FAM178B: variants seen among roughly 807,000 people sequenced by gnomAD.
FAM178B encodes protein FAM178B.
In FAM178B, 82 loss-of-function variants were observed where a neutral mutation model predicts 91.7. The ratio of observed to expected loss-of-function variants is 0.89; its 90% confidence interval spans 0.75 to 1.07. The LOEUF (loss-of-function observed/expected upper bound fraction) is 1.07, where lower values mean the gene tolerates loss of function less well. Among genes scored for constraint, FAM178B ranks in the 50% least tolerant of loss-of-function variants. The pLI is 0.00. For synonymous variants in FAM178B, 368 were observed against 359.4 expected, an observed-to-expected ratio of 1.02 and a Z score of -0.27; for missense variants, 769 against 846.7, an observed-to-expected ratio of 0.91 and a Z score of 1.14.
chr2:96,928,442 C>G (rs1420837861), intron 9 of FAM178B, among the ~76,000 whole-genome samples: 1 of 152,162 alleles, frequency 6.6e-6, no homozygotes, highest in Non-Finnish European at 1.5e-5. Flanking sequence ...CAGGCATAGG[C>G]AAATGATCAT....
Position 96,877,821 on chromosome 2 carries a change from G to A in FAM178B, c.2007+69C>T, listed in dbSNP as rs920565264. ...AGCTGCAGCGGGGGTGGATGTGCTG[G>A]TGGCTCTGGCCAGCCCTGCCTGACC... is the stretch of plus-strand genomic sequence containing the variant. On this transcript the variant is annotated intron_variant, in intron 16 of 16. Coordinates refer to ENST00000490605, the MANE Select transcript of FAM178B (RefSeq NM_001122646.3). 15 of 1,495,062 alleles carry A rather than the reference G, an allele frequency of 1.0e-5. No individual in the cohort carries two copies. In the Admixed American group the frequency reaches 2.8e-4, roughly 28 times the overall value. 92.6% of individuals were successfully genotyped at this position (1,495,062 alleles called of 1,614,324 possible).
chr2:96,970,267 G>C (rs1382103524), intron 4 of FAM178B, among the ~76,000 whole-genome samples: 2 of 152,200 alleles, frequency 1.3e-5, no homozygotes, highest in Non-Finnish European at 2.9e-5. Flanking sequence ...ACTCAGAGAG[G>C]ATGGGAAAAT....
intron 7 of FAM178B, among the ~76,000 whole-genome samples, chr2:96,950,635 T>A (rs1367592648): frequency 6.6e-6 from 1 of 152,168 alleles, no homozygotes; most frequent in Non-Finnish European, 1.5e-5. Context: ...CAGGACGGCA[T>A]CCTTATGCCT....
intron 14 of FAM178B, among the ~76,000 whole-genome samples, chr2:96,889,723 C>CAA (rs112200731): frequency 0.011 from 1,511 of 135,848 alleles, 28 homozygotes; most frequent in African/African-American, 0.039. Flanking sequence ...TAAATAAATA[C>CAA]AAAAAAAAAT....
intron 14 of FAM178B, among the ~76,000 whole-genome samples, chr2:96,884,219 G>A (rs2080461618): frequency 6.6e-6 from 1 of 152,176 alleles, no homozygotes; most frequent in Non-Finnish European, 1.5e-5. Flanking sequence ...GAGGGTTCCT[G>A]ATGTGCACGA....
At chr2:96,955,913 G>A (rs1428545820) in intron 6 of FAM178B, among the ~76,000 whole-genome samples, 10 of 152,298 alleles carry the variant, frequency 6.6e-5, no homozygotes, top group East Asian at 3.9e-4. Context: ...CGGGGCTGCC[G>A]GGCCTCCGGG....
At chr2:96,974,855 C>T (rs990802245) in intron 1 of FAM178B, among the ~76,000 whole-genome samples, 1 of 151,770 alleles carries the variant, frequency 6.6e-6, no homozygotes, top group Non-Finnish European at 1.5e-5. Context: ...TTTGGGAGGC[C>T]GAGGCGGGCG....
chr2:96,928,012 C>G (rs2081474646), intron 9 of FAM178B, among the ~76,000 whole-genome samples: 2 of 152,342 alleles, frequency 1.3e-5, no homozygotes, highest in South Asian at 4.1e-4. Flanking sequence ...GGGAAAGGGG[C>G]AGGAGCACGG....
chr2:96,926,683 G>T (rs900200926), intron 9 of FAM178B, among the ~76,000 whole-genome samples: 3 of 152,220 alleles, frequency 2.0e-5, no homozygotes, highest in East Asian at 1.9e-4. Context: ...CAAGTTGGAT[G>T]CCAGGAGATC....
At chr2:96,914,035 T>C (rs2081201914) in intron 12 of FAM178B, among the ~76,000 whole-genome samples, 2 of 152,268 alleles carry the variant, frequency 1.3e-5, no homozygotes, top group African/African-American at 4.8e-5. Context: ...TGGCTTTTAC[T>C]TATTTGCCAA....
chr2:96,937,767 T>C (rs979322235), intron 8 of FAM178B, among the ~76,000 whole-genome samples: 6 of 152,160 alleles, frequency 3.9e-5, no homozygotes. Flanking sequence ...GGCTCACATC[T>C]ATAATCCCCA....
chr2:96,913,356 T>C (rs1433012528), intron 12 of FAM178B, among the ~76,000 whole-genome samples: 1 of 152,158 alleles, frequency 6.6e-6, no homozygotes, highest in African/African-American at 2.4e-5. Flanking sequence ...GGGACATGCA[T>C]GTGGCATCAC....
chr2:96,917,847 C>A (rs1259689273), intron 12 of FAM178B, among the ~76,000 whole-genome samples: 2 of 151,970 alleles, frequency 1.3e-5, no homozygotes, highest in African/African-American at 4.8e-5. Context: ...CAGAGTGAGA[C>A]CCTCTCTCAA....
Position 96,878,027 on chromosome 2 carries a change from G to A in FAM178B, c.1870C>T (p.Leu624=), listed in dbSNP as rs529948841. The change falls in exon 16 of 17, where the codon CTG becomes TTG. Residue 624 remains leucine, a synonymous_variant. Coordinates refer to ENST00000490605, the MANE Select transcript of FAM178B (RefSeq NM_001122646.3). ...TPDQWGELQL[L]CMQLDRHIST... ...ATGTGGCGGTCCAACTGCATGCACAGCAGCTGCAGCTCGCCCTGTGGAGGC... is the reference window on the plus strand; with the variant it reads ...ATGTGGCGGTCCAACTGCATGCACAACAGCTGCAGCTCGCCCTGTGGAGGC... 9.3e-6 allele frequency: 15 copies of A among 1,610,536 alleles called. No homozygotes were observed. The highest frequency in any genetic ancestry group is 1.3e-5 in the African/African-American group (1 of 75,078).
At chr2:96,904,058 G>A (rs1269491933) in intron 12 of FAM178B, among the ~76,000 whole-genome samples, 1 of 152,160 alleles carries the variant, frequency 6.6e-6, no homozygotes, top group Non-Finnish European at 1.5e-5. Context: ...CAGCTGGCAG[G>A]ATATTGATGG....
In FAM178B at chr2:96,926,987, T is replaced by C. The variant is rs148858479; in HGVS notation, c.1193+2219A>G. Among the ~76,000 whole-genome samples, 275 of 152,298 alleles carry C rather than the reference T, an allele frequency of 1.8e-3. 1 individual carries two copies. Among genetic ancestry groups the C allele is most frequent in the Middle Eastern group, 0.017 (5 of 294 alleles). On this transcript the variant is annotated intron_variant, in intron 9 of 16. Transcript: ENST00000490605. ...TCCCTGGAAGTCAGCAGAAAAAAGA[T>C]GCCTGGGCGGAGCCAGCTCGCACAA...
Position 96,876,194 on chromosome 2 carries a change from G to T in FAM178B, c.*82C>A. The T allele has an allele frequency of 6.9e-7, 1 of 1,457,508 alleles. No individual in the cohort carries two copies. The allele number at this position is 1,457,508 out of a possible 1,614,324, so 90.3% of individuals were successfully genotyped here. ...TCAGCATGTGGCCTCCTCTGGCCTT[G>T]ATGCTTCGCTTCCTCCAGTTCCCTG... On this transcript the variant is annotated 3_prime_UTR_variant, in exon 17 of 17. Coordinates refer to ENST00000490605, the MANE Select transcript of FAM178B (RefSeq NM_001122646.3).
Position 96,902,606 on chromosome 2 carries a change from A to T in FAM178B, c.1650+14T>A, listed in dbSNP as rs768933804. ...GCCATGGCCTTCCTGCCCAGGCCTG[A>T]AGCAAACACTCACCTGGGTCTTCTC... On this transcript the variant is annotated intron_variant, in intron 13 of 16. Coordinates refer to ENST00000490605, the MANE Select transcript of FAM178B (RefSeq NM_001122646.3). 52 of 1,543,254 alleles carry T rather than the reference A, an allele frequency of 3.4e-5. No homozygotes were observed. Among genetic ancestry groups the T allele is most frequent in the Non-Finnish European group, 4.5e-5 (51 of 1,139,936 alleles).
rs200355210 is a variant in FAM178B at position 96,945,382 on chromosome 2, T to C, written c.1078+2436A>G. Among the ~76,000 whole-genome samples, 591 of 151,092 alleles carry C rather than the reference T, an allele frequency of 3.9e-3. 7 individuals are homozygous for C. Among genetic ancestry groups the C allele is most frequent in the African/African-American group, 0.014 (579 of 40,968 alleles). On this transcript the variant is annotated intron_variant, in intron 8 of 16. Transcript: ENST00000490605. ...TTAAGTCCTGGTCCCCTCAACTCTT[T>C]CCTTACTCAGCAGGTTGGGATAAAG...
Sources: allele counts gnomAD v4.1 joint callset (sites outside exome capture counted in the v4.1 genomes callset), GRCh38; gene constraint gnomAD v4.1.1; transcripts MANE v1.5; gene names NCBI Gene and HGNC (gene_info 2026-07-23, HGNC 2026-07-21).